The following PWP1 variants were observed in gnomAD, a reference collection of about 807,000 sequenced individuals.
PWP1 encodes the protein PWP1 homolog, endonuclein, also known as periodic tryptophan protein 1 homolog.
PWP1 carries 47 observed loss-of-function variants against 69.9 expected under a neutral mutation model. The observed-to-expected ratio is 0.67, with a 90% CI of 0.53 to 0.86. The LOEUF (loss-of-function observed/expected upper bound fraction) is 0.86. Ranked by LOEUF, PWP1 falls within the 40% of genes least tolerant of loss-of-function variation. PWP1 has a pLI of 0.00. For synonymous variants in PWP1, 222 were observed against 208.2 expected, an observed-to-expected ratio of 1.07 and a Z score of -0.57; for missense variants, 551 against 608.8, an observed-to-expected ratio of 0.91 and a Z score of 1.00.
intron 7 of PWP1, among the ~76,000 whole-genome samples, 160 bp from the exon 8 acceptor site, chr12:107,699,213 C>T (rs569736427): frequency 5.3e-5 from 8 of 152,278 alleles, no homozygotes; most frequent in South Asian, 2.1e-4. Context: ...GAGCTGAGAT[C>T]GTGCAACTGC....
intron 1 of PWP1, among the ~76,000 whole-genome samples, chr12:107,687,042 A>G (rs529713615): frequency 1.3e-5 from 2 of 151,770 alleles, no homozygotes; most frequent in African/African-American, 4.8e-5. Context: ...ATGTGCACAT[A>G]TAGTATGTCA....
chr12:107,692,683 C>T, intron 3 of PWP1, 131 bp from the exon 4 acceptor site: 1 of 765,524 alleles, frequency 1.3e-6, no homozygotes, highest in Non-Finnish European at 2.0e-6. Context: ...GTTTCCTTTC[C>T]CAACTCTAGA....
rs769650955 is a variant in PWP1, at chr12:107,693,069, C to T, written c.475C>T (p.Gln159Ter). The part of the protein sequence containing the change: ...DNLIVCGRAE[Q>*]DQCNLEVHVY... ...TCTTATAGTTTGTGGCCGAGCTGAACAGGACCAGTGCAATTTAGAGGTGCA... is the reference window on the plus strand; with the variant it reads ...TCTTATAGTTTGTGGCCGAGCTGAATAGGACCAGTGCAATTTAGAGGTGCA... The change falls in exon 5 of 15, where the codon CAG (glutamine) becomes TAG (stop). Residue 159 changes from glutamine to a stop codon, truncating the protein, a stop_gained. Coordinates refer to ENST00000412830, the MANE Select transcript of PWP1 (RefSeq NM_007062.3). LOFTEE classifies it high-confidence loss of function. 6.2e-7 allele frequency: 1 copy of T among 1,613,880 alleles called. No homozygotes were observed. Among genetic ancestry groups the T allele is most frequent in the Non-Finnish European group, 8.5e-7 (1 of 1,179,988 alleles).
chr12:107,703,474 T>C (rs1212035001), intron 9 of PWP1, among the ~76,000 whole-genome samples: 1 of 152,196 alleles, frequency 6.6e-6, no homozygotes, highest in Non-Finnish European at 1.5e-5. Context: ...CCAAACAGTT[T>C]GGGGAAACTA....
Position 107,696,466 on chromosome 12 carries a change from C to A in PWP1, c.503-8C>A. On this transcript the variant is annotated splice_region_variant and splice_polypyrimidine_tract_variant and intron_variant, in intron 5 of 14. Transcript: ENST00000412830. ...ATACATTAAAGTCTCTTTTCCCAAT[C>A]TTTTCAGTTTATAATCAAGAAGAAG... The A allele has an allele frequency of 6.2e-7, 1 of 1,609,886 alleles. No individual in the cohort carries two copies. The highest frequency in any genetic ancestry group is 1.3e-5 in the African/African-American group (1 of 74,804).
chr12:107,703,119 T>C, intron 9 of PWP1, 88 bp downstream of exon 9: 1 of 953,788 alleles, frequency 1.0e-6, no homozygotes, highest in Non-Finnish European at 1.7e-6. Flanking sequence ...TATATGGCTT[T>C]GAAAATAATT....
In PWP1 at chr12:107,688,524, T is replaced by C. The variant is rs1053336936; in HGVS notation, c.131+18T>C. On this transcript the variant is annotated intron_variant, in intron 2 of 14. Coordinates refer to ENST00000412830, the MANE Select transcript of PWP1 (RefSeq NM_007062.3). ...AAATTGCAGTAAGTTTAGGACCAGA[T>C]GAAATCTATATCTTAAATGATGATG... The C allele has an allele frequency of 1.2e-6, 2 of 1,612,954 alleles. No homozygotes were observed. Among genetic ancestry groups the C allele is most frequent in the Non-Finnish European group, 1.7e-6 (2 of 1,179,500 alleles).
At position 107,709,204 on chromosome 12, in the gene PWP1, G is replaced by A. The variant is rs879037563; in HGVS notation, c.1262G>A (p.Ser421Asn). ...TGGGACATCTTAGGAGATAGGCCAAGTCTAGTTCATTCTAGGGACATGAAA... is the reference window on the plus strand; with the variant it reads ...TGGGACATCTTAGGAGATAGGCCAAATCTAGTTCATTCTAGGGACATGAAA... ...KIWDILGDRP[S>N]LVHSRDMKMG... Residue 421 changes from serine to asparagine, a missense_variant, in exon 13 of 15, where the codon AGT becomes AAT. Transcript: ENST00000412830. 1 of 1,613,878 alleles carries A rather than the reference G, an allele frequency of 6.2e-7. No homozygotes were observed. The highest frequency in any genetic ancestry group is 8.5e-7 in the Non-Finnish European group (1 of 1,179,844).
At chr12:107,709,776 G>A (rs973674688) in intron 13 of PWP1, among the ~76,000 whole-genome samples, 1 of 152,000 alleles carries the variant, frequency 6.6e-6, no homozygotes, top group African/African-American at 2.4e-5. Context: ...CACAGCTGTT[G>A]AAAATTGTGT....
chr12:107,706,494 C>G (rs1266158185), intron 11 of PWP1, among the ~76,000 whole-genome samples: 1 of 152,098 alleles, frequency 6.6e-6, no homozygotes, highest in African/African-American at 2.4e-5. Context: ...AATGGTATTG[C>G]CTAGGTTTTC....
At position 107,709,252 on chromosome 12, in the gene PWP1, T is replaced by C. The variant is rs566686611; in HGVS notation, c.1290+20T>C. 4 of 1,608,980 alleles carry C rather than the reference T, an allele frequency of 2.5e-6. No homozygotes were observed. The highest frequency in any genetic ancestry group is 2.2e-5 in the East Asian group (1 of 44,802). ...AAAATGGTAAGAATCTCCCTGGGTATCTGTTTTTTATTTATTCTGTTTCTG... is the reference window on the plus strand; with the variant it reads ...AAAATGGTAAGAATCTCCCTGGGTACCTGTTTTTTATTTATTCTGTTTCTG... On this transcript the variant is annotated intron_variant, in intron 13 of 14. Transcript: ENST00000412830.
intron 11 of PWP1, among the ~76,000 whole-genome samples, chr12:107,705,518 C>T (rs192729736): frequency 8.7e-6 from 1 of 114,414 alleles, no homozygotes; most frequent in Non-Finnish European, 1.7e-5. Context: ...TATCCCTCCC[C>T]CTCCCCCCAC....
At chr12:107,686,123 G>GCGGTCTGGTT (rs1303925106) in intron 1 of PWP1, 152 bp downstream of exon 1, 14 of 776,390 alleles carry the variant, frequency 1.8e-5, no homozygotes, top group Non-Finnish European at 3.0e-5. Context: ...CGCGACTAGA[G>GCGGTCTGGTT]CTGCAGTTCA....
At chr12:107,704,034 T>C (rs1889765181) in intron 10 of PWP1, among the ~76,000 whole-genome samples, 1 of 152,198 alleles carries the variant, frequency 6.6e-6, no homozygotes, top group Admixed American at 6.5e-5. Context: ...GGCATGGATA[T>C]AGGGAGACAT....
At chr12:107,700,479 G>A (rs1180232523) in intron 8 of PWP1, among the ~76,000 whole-genome samples, 1 of 152,186 alleles carries the variant, frequency 6.6e-6, no homozygotes, top group East Asian at 1.9e-4. Flanking sequence ...ATGTCTTCAG[G>A]TTCAGTCATG....
intron 8 of PWP1, 26 bp from the exon 9 acceptor site, chr12:107,702,909 C>T: frequency 1.4e-6 from 2 of 1,426,336 alleles, no homozygotes; most frequent in South Asian, 1.1e-5. Flanking sequence ...TAAAAGATTA[C>T]CTGATTGGAT....
chr12:107,696,271 G>A (rs1317280997), intron 5 of PWP1, among the ~76,000 whole-genome samples: 1 of 151,936 alleles, frequency 6.6e-6, no homozygotes, highest in Non-Finnish European at 1.5e-5. Context: ...GACCTCAAGT[G>A]ATCCGCCCAC....
At chr12:107,697,927 C>T (rs1237818044) in intron 7 of PWP1, 2 of 376,308 alleles carry the variant, frequency 5.3e-6, no homozygotes, top group African/African-American at 4.2e-5. Flanking sequence ...GATATACCAA[C>T]CTTGAACTTT....
rs576001495 is a variant in PWP1, at chr12:107,693,177, G to T, written c.502+81G>T. 2.0e-6 allele frequency: 3 copies of T among 1,502,200 alleles called. No homozygotes were observed. The African/African-American group carries it at 4.2e-5, about 21-fold the overall frequency. The allele number at this position is 1,502,200 out of a possible 1,614,324, so 93.1% of individuals were successfully genotyped here. ...GAAATAGTTACCATTTCATTTTTAG[G>T]TGCCAGATCCTATTGTATCTCATTT... On this transcript the variant is annotated intron_variant, in intron 5 of 14. Transcript: ENST00000412830.
Sources: allele counts gnomAD v4.1 joint callset (sites outside exome capture counted in the v4.1 genomes callset), GRCh38; gene constraint gnomAD v4.1.1; transcripts MANE v1.5; gene names NCBI Gene and HGNC (gene_info 2026-07-23, HGNC 2026-07-21).